Variants in LTF observed in about 807,000 individuals in gnomAD.
LTF encodes the protein lactotransferrin, also known as epididymis luminal protein 110.
A neutral mutation model predicts 87.2 loss-of-function variants in LTF; 91 were observed. The ratio of observed to expected loss-of-function variants is 1.04; its 90% CI spans 0.88 to 1.24. The LOEUF (loss-of-function observed/expected upper bound fraction) is 1.24. Among genes scored for constraint, LTF ranks in the 50% most tolerant of loss-of-function variants. The pLI, the probability that LTF is intolerant of heterozygous loss-of-function variation, is 0.00. For synonymous variants in LTF, 378 were observed against 356.1 expected, an observed-to-expected ratio of 1.06 and a Z score of -0.69; for missense variants, 901 against 904.3, an observed-to-expected ratio of 1.00 and a Z score of 0.05.
chr3:46,450,111 G>C, intron 7 of LTF, 83 bp from the exon 8 acceptor site: 1 of 1,157,848 alleles, frequency 8.6e-7, no homozygotes, highest in South Asian at 1.5e-5. Flanking sequence ...AGTATCTGGA[G>C]CTTTGGGATC....
At chr3:46,444,987 G>C (rs953858507) in intron 12 of LTF, among the ~76,000 whole-genome samples, 3 of 152,238 alleles carry the variant, frequency 2.0e-5, no homozygotes, top group African/African-American at 4.8e-5. Context: ...GAGGTAAAAA[G>C]CATTTGCACA....
chr3:46,446,752 A>T (rs1186433907), intron 10 of LTF, among the ~76,000 whole-genome samples: 1 of 152,244 alleles, frequency 6.6e-6, no homozygotes, highest in African/African-American at 2.4e-5. Context: ...AGACTCACAC[A>T]GCGACGAGAC....
At chr3:46,447,864 CA>C (rs1192998908) in intron 9 of LTF, among the ~76,000 whole-genome samples, 2 of 152,170 alleles carry the variant, frequency 1.3e-5, no homozygotes, top group African/African-American at 4.8e-5. Flanking sequence ...AACACAGGAT[CA>C]TGGACTCATC....
chr3:46,472,488 TTGTGTGTGTGTGTG>T (rs34825595), intron 1 of LTF, among the ~76,000 whole-genome samples: 1 of 106,890 alleles, frequency 9.4e-6, no homozygotes, highest in Non-Finnish European at 1.9e-5. Context: ...GAAAAGATTA[TTGTGTGTGTGTGTG>T]TGTGTGTGTG....
At chr3:46,475,520 AC>A (rs1703349263) in intron 1 of LTF, among the ~76,000 whole-genome samples, 1 of 13,644 alleles carries the variant, frequency 7.3e-5, no homozygotes, top group East Asian at 0.011. Context: ...CCCTAAACAC[AC>A]ACACACACAC....
intron 6 of LTF, among the ~76,000 whole-genome samples, chr3:46,452,921 G>A (rs1253612898): frequency 1.3e-5 from 2 of 152,212 alleles, no homozygotes; most frequent in Non-Finnish European, 2.9e-5. Flanking sequence ...TGATTTGGGT[G>A]TGAAGAAGGG....
At chr3:46,440,362 G>A (rs1158846406) in intron 14 of LTF, among the ~76,000 whole-genome samples, 1 of 152,150 alleles carries the variant, frequency 6.6e-6, no homozygotes, top group Non-Finnish European at 1.5e-5. Context: ...ACTTTTATAG[G>A]TTTATCAAAT....
chr3:46,450,778 A>G, intron 6 of LTF, 105 bp from the exon 7 acceptor site: 1 of 960,284 alleles, frequency 1.0e-6, no homozygotes, highest in South Asian at 1.6e-5. Context: ...TTGGGGAGAT[A>G]GCTGACAAAA....
At chr3:46,481,687 G>A (rs1703433392) in intron 1 of LTF, among the ~76,000 whole-genome samples, 1 of 152,174 alleles carries the variant, frequency 6.6e-6, no homozygotes, top group Non-Finnish European at 1.5e-5. Context: ...AAAGGCAGAG[G>A]TTGCAGGGAG....
At chr3:46,438,417 C>A (rs1559590545) in intron 15 of LTF, among the ~76,000 whole-genome samples, 2 of 152,230 alleles carry the variant, frequency 1.3e-5, no homozygotes, top group Admixed American at 6.5e-5. Flanking sequence ...CATACAACTT[C>A]TTATGGGTGA....
upstream of LTF, among the ~76,000 whole-genome samples, chr3:46,466,013 AG>A (rs1194513615): frequency 6.6e-6 from 1 of 152,122 alleles, no homozygotes; most frequent in African/African-American, 2.4e-5. Context: ...CCAAGATGGG[AG>A]GATCGCTTGA....
chr3:46,460,662 T>A (rs923587940), intron 1 of LTF: 2 of 448,932 alleles, frequency 4.5e-6, no homozygotes, highest in African/African-American at 4.0e-5. Context: ...TCAGGAATGA[T>A]GAGAGAGTGT....
rs557956250 is a variant in LTF, at chr3:46,456,330, T to A, written c.276A>T (p.Lys92Asn). 13 of 1,614,004 alleles carry A rather than the reference T, an allele frequency of 8.1e-6. No individual in the cohort carries two copies. The highest frequency in any genetic ancestry group is 4.0e-5 in the African/African-American group (3 of 74,992). The change falls in exon 3 of 17, where the codon AAA (lysine) becomes AAT (asparagine). Residue 92 changes from lysine to asparagine, a missense_variant. Physicochemically the swap from Lys to Asn is moderately conservative, Grantham distance 94 (BLOSUM62 0). Transcript: ENST00000231751. Reference sequence around the variant, plus strand: ...AGACTTCCGCCGCTACAGGTCGCAGTTTGTAGGGGGCCAGGCCTGCCTCGT... The same window carrying A: ...AGACTTCCGCCGCTACAGGTCGCAGATTGTAGGGGGCCAGGCCTGCCTCGT... ...FIYEAGLAPY[K>N]LRPVAAEVYG... is the part of the protein sequence containing the mutation.
chr3:46,455,266 A>G (rs200020345), intron 5 of LTF, 29 bp downstream of exon 5: 1 of 1,613,896 alleles, frequency 6.2e-7, no homozygotes, highest in Non-Finnish European at 8.5e-7. Context: ...ACACTTGGCC[A>G]CTGACGAGAA....
chr3:46,455,693 T>C, intron 4 of LTF, 103 bp downstream of exon 4: 1 of 1,368,460 alleles, frequency 7.3e-7, no homozygotes. Context: ...ACCCCCACCT[T>C]GATTCATCCC....
At chr3:46,438,223 C>G (rs545999574) in intron 15 of LTF, 94 bp from the exon 16 acceptor site, 2 of 1,020,954 alleles carry the variant, frequency 2.0e-6, no homozygotes, top group Non-Finnish European at 3.0e-6. Context: ...CAAGAACAGC[C>G]CTGAGAAAAC....
intron 1 of LTF, among the ~76,000 whole-genome samples, chr3:46,482,663 G>GAAAGAAAGAAAGAAA (rs1559614838): frequency 1.0e-3 from 27 of 27,114 alleles, no homozygotes; most frequent in East Asian, 1.7e-3. Context: ...AAAGAAAGAA[G>GAAAGAAAGAAAGAAA]GAAGGAAGGA....
intron 13 of LTF, chr3:46,441,984 TGTG>T: frequency 9.2e-6 from 1 of 108,308 alleles, no homozygotes; most frequent in Non-Finnish European, 1.9e-5. Flanking sequence ...TGTGTGTGTG[TGTG>T]TATGCATGTT....
chr3:46,441,045 A>G (rs1171319470), intron 14 of LTF, among the ~76,000 whole-genome samples: 1 of 152,218 alleles, frequency 6.6e-6, no homozygotes, highest in African/African-American at 2.4e-5. Flanking sequence ...CCCAGTTTGT[A>G]GCATCATCCA....
Sources: gnomAD v4.1 joint callset for allele counts (sites outside exome capture counted in the v4.1 genomes callset) on GRCh38, gnomAD v4.1.1 for gene constraint, MANE v1.5 for transcripts, NCBI Gene and HGNC (gene_info 2026-07-23, HGNC 2026-07-21) for gene names.